The following MYO5A variants were observed in gnomAD, a reference collection of about 807,000 sequenced individuals.
The protein encoded by MYO5A is myosin VA.
In MYO5A, 98 loss-of-function variants were observed where a neutral mutation model predicts 249.7. The ratio of observed to expected loss-of-function variants is 0.39; its 90% confidence interval spans 0.33 to 0.46. The LOEUF (loss-of-function observed/expected upper bound fraction) is 0.46. Among genes scored for constraint, MYO5A ranks in the 20% least tolerant of loss-of-function variants. MYO5A has a pLI of 0.98. For missense variants in MYO5A, 1,696 were observed against 2,308.8 expected, an observed-to-expected ratio of 0.73 and a Z score of 5.44; for synonymous variants, 778 against 810.6, an observed-to-expected ratio of 0.96 and a Z score of 0.68.
chr15:52,394,711 C>T (rs1394768320), intron 11 of MYO5A, among the ~76,000 whole-genome samples: 2 of 152,220 alleles, frequency 1.3e-5, no homozygotes, highest in African/African-American at 4.8e-5. Flanking sequence ...ACAAACTAGC[C>T]AGTTCCTAAA....
chr15:52,446,718 A>G lies in MYO5A; in HGVS notation c.28-13433T>C, dbSNP rs537207367. On this transcript the variant is annotated intron_variant, in intron 1 of 41. Coordinates refer to ENST00000399233, the MANE Select transcript of MYO5A (RefSeq NM_001382347.1). ...GCTGAACCCTACAAAGCCACAGACA[A>G]AGAGCTGCCCAAGGCCTTGGGAACC... Among the ~76,000 whole-genome samples, 25 of 152,340 alleles carry G rather than the reference A, an allele frequency of 1.6e-4. No homozygotes were observed. In the East Asian group the frequency reaches 4.2e-3, roughly 26 times the overall value.
At chr15:52,390,668 T>A (rs530461850) in intron 12 of MYO5A, among the ~76,000 whole-genome samples, 244 of 151,558 alleles carry the variant, frequency 1.6e-3, no homozygotes, top group African/African-American at 5.7e-3. Flanking sequence ...CAAGTGATTA[T>A]CCTGCCTCAG....
chr15:52,468,116 G>A (rs2076387558), intron 1 of MYO5A, among the ~76,000 whole-genome samples: 1 of 152,186 alleles, frequency 6.6e-6, no homozygotes, highest in African/African-American at 2.4e-5. Context: ...TTGAGAAGCT[G>A]AGGCATGAGG....
At chr15:52,321,336 G>A in intron 38 of MYO5A, 23 bp downstream of exon 38, 1 of 1,614,054 alleles carries the variant, frequency 6.2e-7, no homozygotes, top group Non-Finnish European at 8.5e-7. Context: ...AGGCTGCAAT[G>A]CCCAGTGGGG....
chr15:52,405,413 G>C lies in MYO5A; in HGVS notation c.947-20C>G, dbSNP rs373915139. 3.7e-5 allele frequency: 57 copies of C among 1,520,006 alleles called. No individual in the cohort carries two copies. Among genetic ancestry groups the C allele is most frequent in the Non-Finnish European group, 4.7e-5 (52 of 1,095,620 alleles). 94.2% of individuals were successfully genotyped at this position (1,520,006 alleles called of 1,614,324 possible). ...TAATTCCTGAAACAAGAGAGTGAAT[G>C]AACAAGTGATTAATTTCAGAATAGA... is the stretch of plus-strand genomic sequence containing the variant. On this transcript the variant is annotated intron_variant, in intron 8 of 41. Transcript: ENST00000399233.
Position 52,313,859 on chromosome 15 carries a change from T to G in MYO5A, c.5491-11A>C, listed in dbSNP as rs894995834. ...GTCTCGTAAACGCATCTGAGAAGATTAGGAAAAAAAATAAACAGAGCATCA... is the reference window on the plus strand; with the variant it reads ...GTCTCGTAAACGCATCTGAGAAGATGAGGAAAAAAAATAAACAGAGCATCA... On this transcript the variant is annotated splice_polypyrimidine_tract_variant and intron_variant, in intron 41 of 41. Transcript: ENST00000399233. The G allele has an allele frequency of 9.9e-6, 16 of 1,613,514 alleles. No individual in the cohort carries two copies. The highest frequency in any genetic ancestry group is 1.4e-5 in the Non-Finnish European group (16 of 1,179,840).
chr15:52,346,530 T>G, intron 29 of MYO5A, 69 bp from the exon 30 acceptor site: 1 of 1,011,752 alleles, frequency 9.9e-7, no homozygotes. Context: ...AACACATTTA[T>G]TTGGTATAAC....
chr15:52,347,926 A>G (rs560542636), intron 29 of MYO5A, among the ~76,000 whole-genome samples: 26 of 152,352 alleles, frequency 1.7e-4, no homozygotes, highest in African/African-American at 5.5e-4. Flanking sequence ...TTTAAAACCC[A>G]TAAGTAATAA....
chr15:52,405,245 A>G, intron 9 of MYO5A, 42 bp downstream of exon 9: 1 of 1,291,474 alleles, frequency 7.7e-7, no homozygotes, highest in Non-Finnish European at 1.1e-6. Context: ...AATCTAAAAC[A>G]TAATTCAACT....
intron 1 of MYO5A, among the ~76,000 whole-genome samples, chr15:52,446,906 C>A (rs759974389): frequency 6.6e-6 from 1 of 152,124 alleles, no homozygotes; most frequent in East Asian, 1.9e-4. Flanking sequence ...CCATACCCCA[C>A]GGTATCTTGG....
At chr15:52,396,280 T>C in intron 11 of MYO5A, 36 bp downstream of exon 11, 1 of 1,179,144 alleles carries the variant, frequency 8.5e-7, no homozygotes, top group Non-Finnish European at 1.3e-6. Context: ...GAGAATAATT[T>C]ATAGCAGAGT....
intron 24 of MYO5A, 108 bp downstream of exon 24, chr15:52,364,446 C>A: frequency 9.8e-7 from 1 of 1,023,140 alleles, no homozygotes; most frequent in Non-Finnish European, 1.4e-6. Flanking sequence ...CATTCTGGAA[C>A]TGGGTGGTAG....
At chr15:52,427,447 T>C (rs1293261290) in intron 3 of MYO5A, among the ~76,000 whole-genome samples, 4 of 151,538 alleles carry the variant, frequency 2.6e-5, no homozygotes, top group Non-Finnish European at 4.4e-5. Context: ...AGAAACACAG[T>C]AAGGAGGGGT....
chr15:52,343,182 A>T lies in MYO5A; in HGVS notation c.3975T>A (p.Asp1325Glu). ...CTCCATCCTCATTCAACTCATGGTA[A>T]TCCAGAGCAGATGATCTTCCATGCA... Reference protein sequence around the residue: ...LKETNRSSALDYHELNEDGEL... With the variant: ...LKETNRSSALEYHELNEDGEL... The change falls in exon 31 of 42, where the codon GAT becomes GAA. Residue 1325 changes from aspartate (D) to glutamate (E), a missense_variant. Transcript: ENST00000399233. The T allele has an allele frequency of 6.2e-7, 1 of 1,613,908 alleles. No homozygotes were observed. Among genetic ancestry groups the T allele is most frequent in the Non-Finnish European group, 8.5e-7 (1 of 1,179,752 alleles).
At chr15:52,376,253 G>T in intron 19 of MYO5A, 94 bp downstream of exon 19, 1 of 1,127,214 alleles carries the variant, frequency 8.9e-7, no homozygotes, top group Non-Finnish European at 1.3e-6. Flanking sequence ...GAAAAGGTGA[G>T]GTGTTATCTT....
chr15:52,445,553 C>T (rs567406546), intron 1 of MYO5A, among the ~76,000 whole-genome samples: 2 of 152,268 alleles, frequency 1.3e-5, no homozygotes, highest in South Asian at 4.1e-4. Context: ...AACTAGGTAA[C>T]AGCAGAGGTT....
rs867698384 is a variant in MYO5A at position 52,316,257 on chromosome 15, A to G, written c.5409+791T>C. On this transcript the variant is annotated intron_variant, in intron 40 of 41. Transcript: ENST00000399233. Reference sequence around the variant, plus strand: ...ACAAAAAAAAAAAAAAAAAAAAAAAAAGAAAGAAAGTCTAAGAGTCAGCAC... The same window carrying G: ...ACAAAAAAAAAAAAAAAAAAAAAAAGAGAAAGAAAGTCTAAGAGTCAGCAC... Among the ~76,000 whole-genome samples the G allele has an allele frequency of 8.0e-5, 12 of 149,960 alleles. No homozygotes were observed. In the South Asian group the frequency reaches 2.5e-3, roughly 31 times the overall value.
rs367866184 is a variant in MYO5A, at chr15:52,397,165, T to C, written c.1319+36A>G. On this transcript the variant is annotated intron_variant, in intron 10 of 41. Coordinates refer to ENST00000399233, the MANE Select transcript of MYO5A (RefSeq NM_001382347.1). ...TTACTAGATAAGTTCTAGAAAGAAA[T>C]GTTCTCTGGCAGACCAATTAGCCAA... The C allele has an allele frequency of 2.6e-4, 418 of 1,608,854 alleles. 2 individuals carry two copies. The highest frequency in any genetic ancestry group is 1.2e-3 in the South Asian group (106 of 90,876).
At chr15:52,398,212 T>C (rs2042573868) in intron 9 of MYO5A, among the ~76,000 whole-genome samples, 1 of 152,214 alleles carries the variant, frequency 6.6e-6, no homozygotes, top group African/African-American at 2.4e-5. Flanking sequence ...AGCAGGTAAC[T>C]TGATAGTTAT....
Sources: allele counts gnomAD v4.1 joint callset (sites outside exome capture counted in the v4.1 genomes callset), GRCh38; gene constraint gnomAD v4.1.1; transcripts MANE v1.5; gene names NCBI Gene and HGNC (gene_info 2026-07-23, HGNC 2026-07-21).